Variants in FRAS1 observed in about 807,000 individuals in gnomAD.
FRAS1 encodes the protein Fraser extracellular matrix complex subunit 1.
FRAS1 carries 290 observed loss-of-function variants against 435.2 expected under a neutral mutation model. The observed-to-expected ratio is 0.67, with a 90% confidence interval of 0.61 to 0.73. The LOEUF (loss-of-function observed/expected upper bound fraction) is 0.73. Among genes scored for constraint, FRAS1 ranks in the 30% least tolerant of loss-of-function variants. The pLI, the probability that FRAS1 is intolerant of heterozygous loss-of-function variation, is 0.00. For missense variants in FRAS1, 4,860 were observed against 5,001.5 expected (o/e 0.97, Z 0.85); for synonymous variants, 1,800 against 1,851.0 (o/e 0.97, Z 0.71).
At chr4:78,097,577 A>G (rs1487874614) in intron 2 of FRAS1, among the ~76,000 whole-genome samples, 4 of 152,304 alleles carry the variant, frequency 2.6e-5, no homozygotes, top group African/African-American at 9.6e-5. Flanking sequence ...CACATCTTAC[A>G]TGGATGGCAG....
At chr4:78,117,103 T>G (rs982678479) in intron 2 of FRAS1, among the ~76,000 whole-genome samples, 1 of 152,246 alleles carries the variant, frequency 6.6e-6, no homozygotes, top group African/African-American at 2.4e-5. Flanking sequence ...TTAGTTTGTC[T>G]GGATTTGAAA....
In FRAS1 at chr4:78,432,454, A is replaced by C. The variant is rs1734253692; in HGVS notation, c.5067A>C (p.Thr1689=). ...TREDSMEISV[T]DGLTVTMLEV... is the part of the protein sequence containing the mutation. ...AAGACAGCATGGAGATCTCAGTCAC[A>C]GATGGCCTCACAGTGACAATGCTGG... Residue 1689 remains threonine (T), a synonymous_variant, in exon 38 of 74, where the codon ACA becomes ACC. Coordinates refer to ENST00000512123, the MANE Select transcript of FRAS1 (RefSeq NM_025074.7). The C allele has an allele frequency of 6.2e-7, 1 of 1,613,248 alleles. No homozygotes were observed. The highest frequency in any genetic ancestry group is 1.1e-5 in the South Asian group (1 of 90,844).
chr4:78,375,862 CT>C lies in FRAS1; in HGVS notation c.3276del (p.Asn1093MetfsTer15), dbSNP rs1251350133. On this transcript the variant is annotated frameshift_variant, in exon 26 of 74. Transcript: ENST00000512123. LOFTEE classifies it high-confidence loss of function. ...GTTCCTGGCTTTTCTGTCCACACCT[CT>C]AATGAAACATGTTCTGGTAAGTGCT... ...NCVPGFSVHT[S>X]NETCSGKIHT... 2 of 1,613,718 alleles carry C rather than the reference CT, an allele frequency of 1.2e-6. No individual in the cohort carries two copies. The highest frequency in any genetic ancestry group is 1.7e-6 in the Non-Finnish European group (2 of 1,179,832).
chr4:78,195,761 A>G (rs1057498767), intron 2 of FRAS1, among the ~76,000 whole-genome samples: 1 of 152,122 alleles, frequency 6.6e-6, no homozygotes, highest in Admixed American at 6.5e-5. Flanking sequence ...GCTCACACTC[A>G]GTGCGCTGCA....
At position 78,466,412 on chromosome 4, in the gene FRAS1, A is replaced by G; in HGVS notation, c.7234A>G (p.Ile2412Val). ...TVSDGTNPFF[I>V]IEEGGKEIMT... ...TTCTGATGGGACAAACCCCTTCTTT[A>G]TCATTGAGGAAGGGGGAAAAGAGGT... The change falls in exon 50 of 74, where the codon ATC becomes GTC. Residue 2412 changes from isoleucine (I) to valine (V), a missense_variant. Transcript: ENST00000512123. 1 of 1,613,598 alleles carries G rather than the reference A, an allele frequency of 6.2e-7. No individual in the cohort carries two copies. Among genetic ancestry groups the G allele is most frequent in the Non-Finnish European group, 8.5e-7 (1 of 1,179,702 alleles).
chr4:78,400,701 T>G, intron 29 of FRAS1, 33 bp from the exon 30 acceptor site: 3 of 1,600,126 alleles, frequency 1.9e-6, no homozygotes, highest in Non-Finnish European at 1.7e-6. Context: ...TTACTTTGCT[T>G]GGAACTAATT....
intron 20 of FRAS1, among the ~76,000 whole-genome samples, chr4:78,355,543 T>A (rs938773067): frequency 7.2e-5 from 11 of 152,144 alleles, no homozygotes; most frequent in African/African-American, 2.7e-4. Flanking sequence ...TTAAACATAT[T>A]TGAGGTCAGC....
At chr4:78,234,060 G>C (rs889313320) in intron 2 of FRAS1, among the ~76,000 whole-genome samples, 1 of 152,144 alleles carries the variant, frequency 6.6e-6, no homozygotes, top group African/African-American at 2.4e-5. Context: ...AGTGGGGAGC[G>C]TAAGTAAGTG....
intron 71 of FRAS1, among the ~76,000 whole-genome samples, chr4:78,534,897 C>T (rs1399893175): frequency 1.3e-5 from 2 of 152,198 alleles, no homozygotes; most frequent in Non-Finnish European, 2.9e-5. Context: ...CGACCAGATT[C>T]TAGCACATTG....
chr4:78,539,493 GAAAA>G (rs3062747), intron 73 of FRAS1, 53 bp downstream of exon 73: 502 of 975,478 alleles, frequency 5.1e-4, no homozygotes, highest in Middle Eastern at 7.0e-4. Flanking sequence ...TTTAAAGCTT[GAAAA>G]AAAAAAAAAA....
rs373613705 is a variant in FRAS1 at position 78,267,354 on chromosome 4, G to A, written c.903G>A (p.Ser301=). The part of the protein sequence containing the change: ...VRYQDEMWKG[S]ACEFCMCDHG... ...ACCAGGACGAAATGTGGAAGGGCTC[G>A]GCCTGTGAGTTCTGCATGTGTGATC... Residue 301 remains serine, a synonymous_variant, in exon 9 of 74, where the codon TCG becomes TCA. Transcript: ENST00000512123. 9.0e-5 allele frequency: 145 copies of A among 1,613,802 alleles called. No homozygotes were observed. Among genetic ancestry groups the A allele is most frequent in the Non-Finnish European group, 1.1e-4 (133 of 1,179,824 alleles).
rs1739545790 is a variant in FRAS1, at chr4:78,057,915, G to C, written c.-95G>C. 4 of 1,173,840 alleles carry C rather than the reference G, an allele frequency of 3.4e-6. No individual in the cohort carries two copies. Among genetic ancestry groups the C allele is most frequent in the Non-Finnish European group, 5.0e-6 (4 of 795,800 alleles). 72.7% of individuals were successfully genotyped at this position (1,173,840 alleles called of 1,614,324 possible). A position where few individuals can be genotyped will look rare whatever the true frequency, so the allele number is the denominator to read the frequency against. On this transcript the variant is annotated 5_prime_UTR_variant, in exon 1 of 74. Coordinates refer to ENST00000512123, the MANE Select transcript of FRAS1 (RefSeq NM_025074.7). The surrounding 1 kb of genome is among the most constrained non-coding windows in gnomAD (Gnocchi z 4.2). ...AGGCCCGCGGTCCCCCACCTTCAGT[G>C]CGCCCGGGTTCCAAGCGCCGGAGCC...
intron 18 of FRAS1, among the ~76,000 whole-genome samples, chr4:78,331,540 A>G (rs189630725): frequency 6.6e-6 from 1 of 152,134 alleles, no homozygotes; most frequent in Admixed American, 6.5e-5. Flanking sequence ...CATTAGCTCC[A>G]TATATATATT....
chr4:78,328,058 G>A (rs1356195103), intron 18 of FRAS1, among the ~76,000 whole-genome samples: 1 of 152,116 alleles, frequency 6.6e-6, no homozygotes, highest in African/African-American at 2.4e-5. Context: ...GACTGTCATG[G>A]CAACGTTCAT....
At chr4:78,209,836 G>A (rs1163435191) in intron 2 of FRAS1, among the ~76,000 whole-genome samples, 7 of 152,166 alleles carry the variant, frequency 4.6e-5, no homozygotes, top group Admixed American at 3.9e-4. Context: ...CGTCAAGGAG[G>A]CTAATTTCAT....
Position 78,489,014 on chromosome 4 carries a change from C to T in FRAS1, c.8892C>T (p.Val2964=), listed in dbSNP as rs778991730. The change falls in exon 59 of 74, where the codon GTC becomes GTT. Residue 2964 remains valine, a synonymous_variant. Transcript: ENST00000512123. ...ATACTCAGAGCCATTCCGCTCAGGT[C>T]ATGGAGGACTTTGAGGAGAGACAAA... is the stretch of plus-strand genomic sequence containing the variant. ...RCYTQSHSAQ[V]MEDFEERQNA... 3 of 1,613,656 alleles carry T rather than the reference C, an allele frequency of 1.9e-6. No individual in the cohort carries two copies. The highest frequency in any genetic ancestry group is 3.3e-4 in the Middle Eastern group (2 of 6,054).
chr4:78,149,715 A>G (rs377764691), intron 2 of FRAS1, among the ~76,000 whole-genome samples: 84 of 152,262 alleles, frequency 5.5e-4, no homozygotes, highest in African/African-American at 2.0e-3. Flanking sequence ...ATTTTCTCAT[A>G]TACTTTCCTC....
chr4:78,096,893 C>T (rs1328075245), intron 2 of FRAS1, among the ~76,000 whole-genome samples: 3 of 152,232 alleles, frequency 2.0e-5, no homozygotes, highest in Non-Finnish European at 4.4e-5. Context: ...GTTACTTATG[C>T]AAATTTCTGC....
At position 78,254,848 on chromosome 4, in the gene FRAS1, G is replaced by T. The variant is rs569192522; in HGVS notation, c.470-394G>T. Among the ~76,000 whole-genome samples, 299 of 152,136 alleles carry T rather than the reference G, an allele frequency of 2.0e-3. 1 individual carries two copies. Among genetic ancestry groups the T allele is most frequent in the Non-Finnish European group, 3.1e-3 (209 of 68,002 alleles). ...TTAATGTTTTCCTCCTTTGGGCCTG[G>T]GAATGAAGGGTGGGAGGATACCCTC... On this transcript the variant is annotated intron_variant, in intron 5 of 73. Coordinates refer to ENST00000512123, the MANE Select transcript of FRAS1 (RefSeq NM_025074.7).
Sources: gnomAD v4.1 joint callset for allele counts (sites outside exome capture counted in the v4.1 genomes callset) on GRCh38, gnomAD v4.1.1 for gene constraint, Gnocchi (gnomAD v3.1) non-coding constraint, MANE v1.5 for transcripts, NCBI Gene and HGNC (gene_info 2026-07-23, HGNC 2026-07-21) for gene names.